Variants in APOB observed in about 807,000 individuals in gnomAD.
APOB encodes apolipoprotein B-100.
Under a neutral mutation model 314.1 loss-of-function variants are expected in APOB, and 153 were observed. The ratio of observed to expected loss-of-function variants is 0.49; its 90% CI spans 0.43 to 0.56. The LOEUF is 0.56. Among genes scored for constraint, APOB ranks in the 20% least tolerant of loss-of-function variants. The pLI, the probability that APOB is intolerant of heterozygous loss-of-function variation, is 0.00. For synonymous variants in APOB, 2,087 were observed against 2,036.4 expected (o/e 1.02, Z -0.67); for missense variants, 5,430 against 5,350.7 (o/e 1.01, Z -0.46).
chr2:21,038,350 T>C (rs1664055954), intron 4 of APOB, among the ~76,000 whole-genome samples: 1 of 152,192 alleles, frequency 6.6e-6, no homozygotes, highest in African/African-American at 2.4e-5. Flanking sequence ...TCTTTTTCTT[T>C]TTTTGAAATG....
In APOB at chr2:21,007,196, A is replaced by T; in HGVS notation, c.9672T>A (p.Asn3224Lys). ...ACTTATCAAACTTAATTTTTGTTTC[A>T]TTATAGGATTTGGTGACAAAATCTA... Reference protein sequence around the residue: ...NALDFVTKSYNETKIKFDKYK... With the variant: ...NALDFVTKSYKETKIKFDKYK... Residue 3224 changes from asparagine (N) to lysine (K), a missense_variant, in exon 26 of 29, where the codon AAT (asparagine) becomes AAA (lysine). By Grantham distance (94) the Asn-to-Lys change is moderately conservative. Around this residue, in one of 3 missense-constraint regions of APOB, gnomAD observed 3,281 missense variants for 3,171.0 expected, o/e 1.03. Transcript: ENST00000233242. The T allele has an allele frequency of 6.2e-7, 1 of 1,613,838 alleles. No individual in the cohort carries two copies. Among genetic ancestry groups the T allele is most frequent in the African/African-American group, 1.3e-5 (1 of 75,014 alleles).
chr2:21,028,097 A>G (rs549861013), intron 13 of APOB, 32 bp from the exon 14 acceptor site: 36 of 1,452,034 alleles, frequency 2.5e-5, no homozygotes, highest in African/African-American at 1.9e-4. Flanking sequence ...TTGAGCTGAC[A>G]CACCATGTTA....
rs993848000 is a variant in APOB, at chr2:21,011,638, C to G, written c.5230G>C (p.Gly1744Arg). ...TCAAATTTCATTTCAGCATATGAGC[C>G]CATCATGTCATTTGAGAGCTTAAGT... ...EGLKLSNDMM[G>R]SYAEMKFDHT... Residue 1744 changes from glycine to arginine, a missense_variant, in exon 26 of 29, where the codon GGC becomes CGC. Coordinates refer to ENST00000233242, the MANE Select transcript of APOB (RefSeq NM_000384.3). 1.9e-6 allele frequency: 3 copies of G among 1,614,094 alleles called. No homozygotes were observed. In the Admixed American group the frequency reaches 5.0e-5, roughly 27 times the overall value.
intron 20 of APOB, among the ~76,000 whole-genome samples, chr2:21,017,647 C>T (rs1663511886): frequency 6.6e-6 from 1 of 152,200 alleles, no homozygotes; most frequent in Admixed American, 6.5e-5. Context: ...CTCTATATTA[C>T]TTTCTACCCA....
Position 21,023,132 on chromosome 2 carries a change from A to G in APOB, c.2605-90T>C. On this transcript the variant is annotated intron_variant, in intron 17 of 28. Coordinates refer to ENST00000233242, the MANE Select transcript of APOB (RefSeq NM_000384.3). ...ACCACCCTTTCTCACCTCCGGGCAA[A>G]GATTTCCTGGATAACTCAGACCTTT... is the stretch of plus-strand genomic sequence containing the variant. 3.4e-6 allele frequency: 4 copies of G among 1,166,904 alleles called. No individual in the cohort carries two copies. The South Asian group carries it at 4.9e-5, about 14-fold the overall frequency. 72.3% of individuals were successfully genotyped at this position (1,166,904 alleles called of 1,614,324 possible).
In APOB at chr2:21,005,451, G is replaced by A. The variant is rs1236683142; in HGVS notation, c.11417C>T (p.Ser3806Phe). 1 of 1,614,100 alleles carries A rather than the reference G, an allele frequency of 6.2e-7. No homozygotes were observed. Reference sequence around the variant, plus strand: ...GGTTATCTCAAAAAAGGGAATCAAGGAGTCTTCTGGTTGAGAATATTTTGT... The same window carrying A: ...GGTTATCTCAAAAAAGGGAATCAAGAAGTCTTCTGGTTGAGAATATTTTGT... Reference protein sequence around the residue: ...VLTKYSQPEDSLIPFFEITVP... With the variant: ...VLTKYSQPEDFLIPFFEITVP... Residue 3806 changes from serine (S) to phenylalanine (F), a missense_variant, in exon 26 of 29, where the codon TCC becomes TTC. By Grantham distance (155) the Ser-to-Phe change is radical (BLOSUM62 -2). Coordinates refer to ENST00000233242, the MANE Select transcript of APOB (RefSeq NM_000384.3).
Position 21,008,202 on chromosome 2 carries a change from T to C in APOB, c.8666A>G (p.Tyr2889Cys). The change falls in exon 26 of 29, where the codon TAC (tyrosine) becomes TGC (cysteine). Residue 2889 changes from tyrosine to cysteine, a missense_variant. Physicochemically the swap from Tyr to Cys is radical, Grantham distance 194. Coordinates refer to ENST00000233242, the MANE Select transcript of APOB (RefSeq NM_000384.3). ...TTTGGGGATGTTCAATTTGTGGAAGTATTTAGTGTTGCTATCCAGGGTAAG... is the reference window on the plus strand; with the variant it reads ...TTTGGGGATGTTCAATTTGTGGAAGCATTTAGTGTTGCTATCCAGGGTAAG... ...NQLTLDSNTK[Y>C]FHKLNIPKLD... 1 of 1,614,042 alleles carries C rather than the reference T, an allele frequency of 6.2e-7. No individual in the cohort carries two copies. Among genetic ancestry groups the C allele is most frequent in the Non-Finnish European group, 8.5e-7 (1 of 1,179,952 alleles).
intron 18 of APOB, among the ~76,000 whole-genome samples, chr2:21,022,125 T>C (rs1405114514): frequency 6.6e-6 from 1 of 152,124 alleles, no homozygotes; most frequent in East Asian, 1.9e-4. Context: ...CTGGCTAATT[T>C]TGTTATTTAT....
At chr2:21,016,841 G>A (rs1035456381) in intron 20 of APOB, among the ~76,000 whole-genome samples, 192 bp from the exon 21 acceptor site, 18 of 152,000 alleles carry the variant, frequency 1.2e-4, no homozygotes, top group East Asian at 3.9e-4. Context: ...AAAATTAGCC[G>A]GGCGCGTTGG....
intron 6 of APOB, among the ~76,000 whole-genome samples, 187 bp from the exon 7 acceptor site, chr2:21,035,895 G>A (rs1460894432): frequency 6.6e-6 from 1 of 152,150 alleles, no homozygotes; most frequent in African/African-American, 2.4e-5. Context: ...GCTGAGTCAA[G>A]CTGTAGACTC....
At position 21,032,580 on chromosome 2, in the gene APOB, G is replaced by A. The variant is rs1558574140; in HGVS notation, c.1126C>T (p.Pro376Ser). Reference protein sequence around the residue: ...LLPQLIEVSSPITLQALVQCG... With the variant: ...LLPQLIEVSSSITLQALVQCG... ...TGAACCAAGGCTTGTAAAGTGATGG[G>A]GCTGAGAAGAAAGACATGGATAAAG... is the stretch of plus-strand genomic sequence containing the variant. Residue 376 changes from proline (P) to serine (S), a missense_variant and splice_region_variant, in exon 10 of 29, where the codon CCC (proline) becomes TCC (serine). Pro to Ser is a moderately conservative substitution (Grantham distance 74). Transcript: ENST00000233242. 1 of 1,613,150 alleles carries A rather than the reference G, an allele frequency of 6.2e-7. No homozygotes were observed. The highest frequency in any genetic ancestry group is 8.5e-7 in the Non-Finnish European group (1 of 1,179,202).
In APOB at chr2:21,001,693, T is replaced by G. The variant is rs1219932931; in HGVS notation, c.*37A>C. 4 of 1,606,222 alleles carry G rather than the reference T, an allele frequency of 2.5e-6. No homozygotes were observed. Among genetic ancestry groups the G allele is most frequent in the African/African-American group, 2.7e-5 (2 of 74,674 alleles). The stretch of plus-strand genomic sequence containing the variant: ...TTTCTGTGCTATGTGAAAGTTCAAT[T>G]GGAAAAGAAGAATAAATGAAGATTT... On this transcript the variant is annotated 3_prime_UTR_variant, in exon 29 of 29. Coordinates refer to ENST00000233242, the MANE Select transcript of APOB (RefSeq NM_000384.3).
chr2:21,043,363 A>G (rs1572805749), intron 2 of APOB, 150 bp downstream of exon 2: 3 of 887,064 alleles, frequency 3.4e-6, no homozygotes, highest in Non-Finnish European at 5.5e-6. Flanking sequence ...GGGTGTGGGC[A>G]GAGGCTCAGG....
At position 21,004,356 on chromosome 2, in the gene APOB, T is replaced by A; in HGVS notation, c.12000A>T (p.Ser4000=). The A allele has an allele frequency of 6.2e-7, 1 of 1,613,944 alleles. No individual in the cohort carries two copies. The highest frequency in any genetic ancestry group is 2.2e-5 in the East Asian group (1 of 44,878). The change falls in exon 28 of 29, where the codon TCA becomes TCT. Residue 4000 remains serine, a synonymous_variant. Transcript: ENST00000233242. ...CGGTGCCTACGGCTGGGGAGGCTGC[T>A]GAGGTGGAGATGCCTTTCTTGTCTT... The part of the protein sequence containing the change: ...YQKDKKGIST[S]AASPAVGTVG...
chr2:21,007,027 G>A lies in APOB; in HGVS notation c.9841C>T (p.Pro3281Ser). ...GYVFPKAVSM[P>S]SFSILGSDVR... The stretch of plus-strand genomic sequence containing the variant: ...TCAGAACCTAGGATGGAGAAACTAG[G>A]CATGCTGACTGCTTTTGGGAACACA... Residue 3281 changes from proline to serine, a missense_variant, in exon 26 of 29, where the codon CCT (proline) becomes TCT (serine). Transcript: ENST00000233242. 1.2e-6 allele frequency: 2 copies of A among 1,613,998 alleles called. No homozygotes were observed. Among genetic ancestry groups the A allele is most frequent in the Non-Finnish European group, 1.7e-6 (2 of 1,179,962 alleles).
chr2:21,006,787 C>T lies in APOB; in HGVS notation c.10081G>A (p.Asp3361Asn), dbSNP rs995820155. 6.2e-7 allele frequency: 1 copy of T among 1,613,976 alleles called. No individual in the cohort carries two copies. Among genetic ancestry groups the T allele is most frequent in the Non-Finnish European group, 8.5e-7 (1 of 1,179,978 alleles). ...GAAGAAAGGAGATGAGCAACAATAT[C>T]TGACTGGTTAAAAAGTTCAGCATTG... ...NTNAELFNQS[D>N]IVAHLLSSSS... The change falls in exon 26 of 29, where the codon GAT becomes AAT. Residue 3361 changes from aspartate (D) to asparagine (N), a missense_variant. Physicochemically the swap from Asp to Asn is conservative, Grantham distance 23. Around this residue, in one of 3 missense-constraint regions of APOB, gnomAD observed 3,281 missense variants for 3,171.0 expected, o/e 1.03. Coordinates refer to ENST00000233242, the MANE Select transcript of APOB (RefSeq NM_000384.3).
At chr2:21,014,837 C>T (rs949198159) in intron 23 of APOB, among the ~76,000 whole-genome samples, 4 of 152,166 alleles carry the variant, frequency 2.6e-5, no homozygotes. Flanking sequence ...TCCTTTGATA[C>T]CACTAGGCAA....
chr2:21,014,402 A>G (rs1348880785), intron 24 of APOB, 46 bp downstream of exon 24: 1 of 1,607,546 alleles, frequency 6.2e-7, no homozygotes, highest in Non-Finnish European at 8.5e-7. Flanking sequence ...AAAATCTTTC[A>G]TTTACTTTGC....
Position 21,006,183 on chromosome 2 carries a change from A to C in APOB, c.10685T>G (p.Leu3562Arg). ...GTGGTTTTTCGTACTGTGCTCCCAGAGGGAATATATGCGTTGGAGTGTGGC... is the reference window on the plus strand; with the variant it reads ...GTGGTTTTTCGTACTGTGCTCCCAGCGGGAATATATGCGTTGGAGTGTGGC... ...GEATLQRIYSLWEHSTKNHLQ... is the reference protein window; with the variant it reads ...GEATLQRIYSRWEHSTKNHLQ... The change falls in exon 26 of 29, where the codon CTC becomes CGC. Residue 3562 changes from leucine to arginine, a missense_variant. Coordinates refer to ENST00000233242, the MANE Select transcript of APOB (RefSeq NM_000384.3). 6.2e-7 allele frequency: 1 copy of C among 1,614,044 alleles called. No individual in the cohort carries two copies. Among genetic ancestry groups the C allele is most frequent in the African/African-American group, 1.3e-5 (1 of 75,036 alleles).
Sources: allele counts gnomAD v4.1 joint callset (sites outside exome capture counted in the v4.1 genomes callset), GRCh38; gene constraint gnomAD v4.1.1; regional missense constraint gnomAD v4.1.1; transcripts MANE v1.5; gene names NCBI Gene and HGNC (gene_info 2026-07-23, HGNC 2026-07-21).